SH2D4B: variants seen among roughly 807,000 people sequenced by gnomAD.
The protein encoded by SH2D4B is SH2 domain-containing protein 4B.
A neutral mutation model predicts 61.5 loss-of-function variants in SH2D4B; 45 were observed. That is an observed-to-expected ratio of 0.73 (90% CI 0.58 to 0.94). The LOEUF (loss-of-function observed/expected upper bound fraction) is 0.94. Ranked by LOEUF, SH2D4B falls within the 40% of genes least tolerant of loss-of-function variation. The pLI, the probability that SH2D4B is intolerant of heterozygous loss-of-function variation, is 0.00. For missense variants in SH2D4B, 572 were observed against 574.2 expected (o/e 1.00, Z 0.04); for synonymous variants, 224 against 220.4 (o/e 1.02, Z -0.14).
intron 1 of SH2D4B, among the ~76,000 whole-genome samples, chr10:80,542,402 T>C (rs567068237): frequency 4.6e-5 from 7 of 150,898 alleles, no homozygotes; most frequent in African/African-American, 1.7e-4. Flanking sequence ...TTCTATCTTT[T>C]TTTTTTTTTT....
chr10:80,572,151 G>A (rs1009203165), intron 3 of SH2D4B, among the ~76,000 whole-genome samples: 1 of 152,146 alleles, frequency 6.6e-6, no homozygotes, highest in Admixed American at 6.5e-5. Flanking sequence ...ACATATAGTA[G>A]TGGTTAGGGA....
chr10:80,581,468 C>A (rs1842183623), intron 3 of SH2D4B, among the ~76,000 whole-genome samples: 1 of 151,174 alleles, frequency 6.6e-6, no homozygotes, highest in Admixed American at 6.6e-5. Flanking sequence ...AAGCTCTTTA[C>A]ACAGGTAATT....
At chr10:80,576,535 G>T (rs1040509346) in intron 3 of SH2D4B, among the ~76,000 whole-genome samples, 7 of 152,142 alleles carry the variant, frequency 4.6e-5, no homozygotes, top group Non-Finnish European at 8.8e-5. Context: ...TGTTTGCTCT[G>T]CCTGTAAGTG....
intron 3 of SH2D4B, among the ~76,000 whole-genome samples, chr10:80,572,020 C>G (rs929102493): frequency 1.3e-5 from 2 of 152,044 alleles, no homozygotes; most frequent in African/African-American, 4.8e-5. Flanking sequence ...GATCCGCCCG[C>G]CTCGGCCTTC....
chr10:80,580,304 C>T (rs757672648), intron 3 of SH2D4B, among the ~76,000 whole-genome samples: 3 of 152,098 alleles, frequency 2.0e-5, no homozygotes, highest in South Asian at 4.2e-4. Context: ...TTTATGCTGA[C>T]CAGGTTAGCT....
Position 80,588,733 on chromosome 10 carries a change from A to C in SH2D4B, c.599A>C (p.His200Pro). Residue 200 changes from histidine (H) to proline (P), a missense_variant, in exon 4 of 8, where the codon CAT (histidine) becomes CCT (proline). Coordinates refer to ENST00000646907, the MANE Select transcript of SH2D4B (RefSeq NM_001388272.1). ...TGGACCCTGAAGCAGGCTCAGCTGC[A>C]TTGCCAAGCCAGTGAGAAAGAGGAG... ...LYWTLKQAQL[H>P]CQASEKEERE... 2 of 1,614,158 alleles carry C rather than the reference A, an allele frequency of 1.2e-6. No homozygotes were observed. The highest frequency in any genetic ancestry group is 4.5e-5 in the East Asian group (2 of 44,886).
At chr10:80,564,529 G>A (rs1283241911) in intron 1 of SH2D4B, among the ~76,000 whole-genome samples, 2 of 152,320 alleles carry the variant, frequency 1.3e-5, no homozygotes, top group South Asian at 2.1e-4. Flanking sequence ...TCCTCTTGAA[G>A]TATTGGAGTG....
At chr10:80,549,242 TGTGA>T (rs1353769801) in intron 1 of SH2D4B, among the ~76,000 whole-genome samples, 2 of 151,570 alleles carry the variant, frequency 1.3e-5, no homozygotes, top group East Asian at 1.9e-4. Flanking sequence ...TGTGTGTGTG[TGTGA>T]GTTTGGCATG....
Position 80,644,264 on chromosome 10 carries a change from C to T in SH2D4B, c.*179C>T. The T allele has an allele frequency of 1.1e-5, 6 of 569,934 alleles. No homozygotes were observed. The highest frequency in any genetic ancestry group is 4.5e-4 in the Middle Eastern group (1 of 2,202). The allele number at this position is 569,934 out of a possible 1,614,324, so 35.3% of individuals were successfully genotyped here. A position where few individuals can be genotyped will look rare whatever the true frequency, so the allele number is the denominator to read the frequency against. On this transcript the variant is annotated 3_prime_UTR_variant, in exon 8 of 8. Coordinates refer to ENST00000646907, the MANE Select transcript of SH2D4B (RefSeq NM_001388272.1). ...CATAGGGCTACTGGTCTCATCCCAG[C>T]GATCGGGACAGAAATTGCTAATAGC...
chr10:80,585,563 C>A (rs887063432), intron 3 of SH2D4B, among the ~76,000 whole-genome samples: 2 of 152,238 alleles, frequency 1.3e-5, no homozygotes, highest in African/African-American at 4.8e-5. Context: ...GATCTGCCTG[C>A]CTTGGCCTCC....
Position 80,588,760 on chromosome 10 carries a change from G to A in SH2D4B, c.626G>A (p.Arg209Gln), listed in dbSNP as rs144834825. 130 of 1,613,912 alleles carry A rather than the reference G, an allele frequency of 8.1e-5. No homozygotes were observed. The highest frequency in any genetic ancestry group is 6.6e-4 in the Middle Eastern group (4 of 6,078). The change falls in exon 4 of 8, where the codon CGA becomes CAA. Residue 209 changes from arginine to glutamine, a missense_variant. Physicochemically the swap from Arg to Gln is conservative, Grantham distance 43. Coordinates refer to ENST00000646907, the MANE Select transcript of SH2D4B (RefSeq NM_001388272.1). ...LHCQASEKEE[R>Q]EWEEQLRRSK... ...TGCCAAGCCAGTGAGAAAGAGGAGC[G>A]AGAGTGGGAAGAACAGTGTGAGTAG...
chr10:80,599,552 C>G (rs1842421692), intron 4 of SH2D4B, among the ~76,000 whole-genome samples: 1 of 152,092 alleles, frequency 6.6e-6, no homozygotes, highest in South Asian at 2.1e-4. Context: ...GTGTGAAGTG[C>G]TCTGGTCTTA....
intron 7 of SH2D4B, among the ~76,000 whole-genome samples, chr10:80,639,482 A>G (rs1840250525): frequency 1.3e-5 from 2 of 152,206 alleles, no homozygotes; most frequent in African/African-American, 4.8e-5. Context: ...GGGTGCATAT[A>G]AATTTAGGAT....
At chr10:80,587,130 GTTTTTTTTTTTTTTTGTTTTGT>G (rs1466545735) in intron 3 of SH2D4B, among the ~76,000 whole-genome samples, 5 of 67,250 alleles carry the variant, frequency 7.4e-5, no homozygotes, top group African/African-American at 3.6e-4. Flanking sequence ...TTCCGGCCAC[GTTTTTTTTTTTTTTTGTTTTGT>G]TTTTTTTTTT....
intron 3 of SH2D4B, among the ~76,000 whole-genome samples, chr10:80,579,758 T>C (rs1842168573): frequency 6.6e-6 from 1 of 152,200 alleles, no homozygotes; most frequent in South Asian, 2.1e-4. Context: ...CCTATACAAC[T>C]TTAGAAACGA....
At chr10:80,608,959 T>C (rs1046238942) in intron 5 of SH2D4B, among the ~76,000 whole-genome samples, 8 of 152,084 alleles carry the variant, frequency 5.3e-5, no homozygotes, top group African/African-American at 1.2e-4. Context: ...CCAGAATTGT[T>C]TCTGAGAGAG....
intron 3 of SH2D4B, among the ~76,000 whole-genome samples, chr10:80,580,944 G>A (rs1842179201): frequency 6.6e-6 from 1 of 152,188 alleles, no homozygotes; most frequent in African/African-American, 2.4e-5. Context: ...TTTTCTTTCA[G>A]TGGTATTAGA....
chr10:80,605,258 A>G (rs1232774898), intron 5 of SH2D4B, among the ~76,000 whole-genome samples: 1 of 150,110 alleles, frequency 6.7e-6, no homozygotes, highest in South Asian at 2.1e-4. Flanking sequence ...AAGGCTTTTC[A>G]TATCAATTCT....
intron 3 of SH2D4B, among the ~76,000 whole-genome samples, chr10:80,576,226 A>G (rs946123927): frequency 6.6e-6 from 1 of 152,214 alleles, no homozygotes; most frequent in African/African-American, 2.4e-5. Context: ...GGGGCTCATG[A>G]AGGATCACTA....
Sources: gnomAD v4.1 joint callset for allele counts (sites outside exome capture counted in the v4.1 genomes callset) on GRCh38, gnomAD v4.1.1 for gene constraint, MANE v1.5 for transcripts, NCBI Gene and HGNC (gene_info 2026-07-23, HGNC 2026-07-21) for gene names.